Variants in VPS35L observed in about 807,000 individuals in gnomAD.
The protein encoded by VPS35L is VPS35 endosomal protein sorting factor like, also known as VPS35 endosomal protein-sorting factor-like.
In VPS35L, 83 loss-of-function variants were observed where a neutral mutation model predicts 133.0. The ratio of observed to expected loss-of-function variants is 0.62; its 90% CI spans 0.52 to 0.75. VPS35L has a LOEUF of 0.75. Ranked by LOEUF, VPS35L falls within the 30% of genes least tolerant of loss-of-function variation. The pLI is 0.00. For missense variants in VPS35L, 1,083 were observed against 1,206.8 expected (o/e 0.90, Z 1.52); for synonymous variants, 423 against 449.9 (o/e 0.94, Z 0.76).
At chr16:19,592,007 G>A (rs746374847) in intron 8 of VPS35L, 133 bp downstream of exon 8, 20 of 651,226 alleles carry the variant, frequency 3.1e-5, no homozygotes, top group Middle Eastern at 3.5e-4. Flanking sequence ...AGATCAAACC[G>A]TTCCCCCCCA....
intron 26 of VPS35L, among the ~76,000 whole-genome samples, chr16:19,667,751 A>T (rs78109253): frequency 6.6e-6 from 1 of 150,900 alleles, no homozygotes; most frequent in Non-Finnish European, 1.5e-5. Context: ...AAAAAAAAAA[A>T]CCAGAAAAAA....
intron 14 of VPS35L, among the ~76,000 whole-genome samples, chr16:19,625,855 G>A (rs1052299234): frequency 1.3e-5 from 2 of 152,220 alleles, no homozygotes; most frequent in Non-Finnish European, 2.9e-5. Flanking sequence ...TGTATTTTTA[G>A]TGGAGACGGG....
chr16:19,597,081 C>T (rs774659948), intron 8 of VPS35L, among the ~76,000 whole-genome samples: 4 of 151,610 alleles, frequency 2.6e-5, no homozygotes, highest in Admixed American at 1.3e-4. Flanking sequence ...AAGGAAAGGG[C>T]TGGGCATGGT....
At chr16:19,611,718 C>G (rs1399490998) in intron 12 of VPS35L, 2 of 151,996 alleles carry the variant, frequency 1.3e-5, no homozygotes, top group Non-Finnish European at 2.9e-5. Context: ...ATCCTCTTCC[C>G]TCTTTGCAGC....
At chr16:19,698,081 C>T (rs572352689) in intron 29 of VPS35L, among the ~76,000 whole-genome samples, 2 of 152,322 alleles carry the variant, frequency 1.3e-5, no homozygotes, top group East Asian at 1.9e-4. Context: ...TAGCTGGGGC[C>T]GGCGTCTCTG....
At chr16:19,675,994 G>GTT (rs1425330445) in intron 27 of VPS35L, among the ~76,000 whole-genome samples, 2 of 152,144 alleles carry the variant, frequency 1.3e-5, no homozygotes, top group African/African-American at 2.4e-5. Flanking sequence ...GCTCATACCT[G>GTT]TAATCCCAGC....
chr16:19,656,263 CAAAA>C (rs34467290), intron 26 of VPS35L, among the ~76,000 whole-genome samples: 11 of 81,126 alleles, frequency 1.4e-4, no homozygotes, highest in East Asian at 5.4e-4. Context: ...GACTCTGTCT[CAAAA>C]AAAAAAAAAA....
chr16:19,567,972 A>C (rs1481982086), intron 2 of VPS35L, among the ~76,000 whole-genome samples: 1 of 98,772 alleles, frequency 1.0e-5, no homozygotes, highest in Non-Finnish European at 2.1e-5. Flanking sequence ...CCTGTCTCCA[A>C]AAAAAAAAAA....
intron 19 of VPS35L, among the ~76,000 whole-genome samples, chr16:19,634,634 G>T (rs1202280065): frequency 6.6e-6 from 1 of 152,164 alleles, no homozygotes; most frequent in South Asian, 2.1e-4. Flanking sequence ...GAAAGAAATG[G>T]TAGAATTGGA....
intron 20 of VPS35L, among the ~76,000 whole-genome samples, chr16:19,638,926 A>G (rs577847314): frequency 1.3e-5 from 2 of 152,290 alleles, no homozygotes; most frequent in East Asian, 1.9e-4. Context: ...CCAACATGGC[A>G]AAACCCTGTC....
At chr16:19,564,666 T>C (rs570613968) in intron 1 of VPS35L, among the ~76,000 whole-genome samples, 185 bp from the exon 2 acceptor site, 2 of 152,352 alleles carry the variant, frequency 1.3e-5, no homozygotes, top group South Asian at 4.1e-4. Flanking sequence ...CCCAAATTGC[T>C]GGGATTACAG....
intron 9 of VPS35L, among the ~76,000 whole-genome samples, chr16:19,607,049 A>G (rs1972557933): frequency 6.6e-6 from 1 of 152,222 alleles, no homozygotes; most frequent in Non-Finnish European, 1.5e-5. Flanking sequence ...AGAGGTTAAC[A>G]AAGGCCTTCA....
chr16:19,576,905 C>T (rs1971558493), intron 5 of VPS35L, among the ~76,000 whole-genome samples: 1 of 152,090 alleles, frequency 6.6e-6, no homozygotes, highest in Non-Finnish European at 1.5e-5. Context: ...CAGGGTTTCA[C>T]CATGTTGGCC....
chr16:19,675,956 GA>G (rs1462344948), intron 27 of VPS35L, among the ~76,000 whole-genome samples: 4 of 152,022 alleles, frequency 2.6e-5, no homozygotes, highest in Non-Finnish European at 5.9e-5. Context: ...TATTTGTTTA[GA>G]AAAGATAGGA....
In VPS35L at chr16:19,627,700, G is replaced by T. The variant is rs1312317091; in HGVS notation, c.1278G>T (p.Leu426Phe). The change falls in exon 16 of 31, where the codon TTG becomes TTT. Residue 426 changes from leucine (L) to phenylalanine (F), a missense_variant. By Grantham distance (22) the Leu-to-Phe change is conservative. Coordinates refer to ENST00000417362, the MANE Select transcript of VPS35L (RefSeq NM_020314.7). ...GGGGATCTGTGTCTTGCAGTGCCTT[G>T]CTGTTGAATTCTGTGATGTCTGCCT... ...ERCKKLGNNA[L>F]LLNSVMSAFR... The T allele has an allele frequency of 6.2e-7, 1 of 1,612,498 alleles. No homozygotes were observed. Among genetic ancestry groups the T allele is most frequent in the Non-Finnish European group, 8.5e-7 (1 of 1,178,716 alleles).
intron 26 of VPS35L, among the ~76,000 whole-genome samples, chr16:19,667,287 A>C (rs1974726036): frequency 6.6e-6 from 1 of 152,076 alleles, no homozygotes; most frequent in Admixed American, 6.6e-5. Context: ...AGTGGTCACA[A>C]GATAGAAGAC....
At chr16:19,611,406 C>T (rs1567421463) in intron 12 of VPS35L, among the ~76,000 whole-genome samples, 2 of 152,192 alleles carry the variant, frequency 1.3e-5, no homozygotes, top group Non-Finnish European at 2.9e-5. Flanking sequence ...CAGTATTGCA[C>T]ATCCTTAGAG....
chr16:19,697,841 G>A (rs1311151053), intron 29 of VPS35L, among the ~76,000 whole-genome samples: 3 of 152,312 alleles, frequency 2.0e-5, no homozygotes, highest in East Asian at 1.9e-4. Context: ...CTGTGAGTAC[G>A]AGCACAGGCT....
At chr16:19,603,892 C>T (rs1463658517) in intron 9 of VPS35L, among the ~76,000 whole-genome samples, 2 of 152,074 alleles carry the variant, frequency 1.3e-5, no homozygotes, top group Admixed American at 6.6e-5. Context: ...CCACCACACC[C>T]AGCTAATTTT....
Sources: allele counts gnomAD v4.1 joint callset (sites outside exome capture counted in the v4.1 genomes callset), GRCh38; gene constraint gnomAD v4.1.1; transcripts MANE v1.5; gene names NCBI Gene and HGNC (gene_info 2026-07-23, HGNC 2026-07-21).